HTR4: variants seen among roughly 807,000 people sequenced by gnomAD.
The protein encoded by HTR4 is 5-hydroxytryptamine (serotonin) receptor 4, G protein-coupled.
Under a neutral mutation model 36.8 loss-of-function variants are expected in HTR4, and 16 were observed. The observed-to-expected ratio is 0.43, with a 90% CI of 0.29 to 0.66. The LOEUF (loss-of-function observed/expected upper bound fraction) is 0.66. Among genes scored for constraint, HTR4 ranks in the 30% least tolerant of loss-of-function variants. HTR4 has a pLI of 0.13. For missense variants in HTR4, 438 were observed against 490.9 expected (o/e 0.89, Z 1.02); for synonymous variants, 189 against 185.1 (o/e 1.02, Z -0.17).
At chr5:148,497,529 G>A (rs899912836) in intron 6 of HTR4, among the ~76,000 whole-genome samples, 1 of 152,124 alleles carries the variant, frequency 6.6e-6, no homozygotes, top group Non-Finnish European at 1.5e-5. Context: ...GAGATGATAA[G>A]ACATCATTGT....
intron 2 of HTR4, among the ~76,000 whole-genome samples, chr5:148,566,474 T>C (rs999093773): frequency 2.6e-5 from 4 of 152,140 alleles, no homozygotes; most frequent in Admixed American, 6.6e-5. Flanking sequence ...CTTCAAGGGA[T>C]CTGTGGACGT....
intron 2 of HTR4, among the ~76,000 whole-genome samples, chr5:148,577,998 A>C (rs577286924): frequency 6.6e-6 from 1 of 152,222 alleles, no homozygotes; most frequent in African/African-American, 2.4e-5. Flanking sequence ...AATACGTAAA[A>C]TAAAAAGGCA....
chr5:148,584,511 A>G (rs903409939), intron 2 of HTR4, among the ~76,000 whole-genome samples: 3 of 152,198 alleles, frequency 2.0e-5, no homozygotes, highest in African/African-American at 7.2e-5. Flanking sequence ...ATTATAACTT[A>G]ACAGTACCCC....
At chr5:148,539,402 A>G (rs112712182) in intron 4 of HTR4, among the ~76,000 whole-genome samples, 6,435 of 152,274 alleles carry the variant, frequency 0.042, 185 homozygotes, top group Non-Finnish European at 0.066. Context: ...ACCTCTACAC[A>G]GCAAAAGAAA....
At chr5:148,523,095 G>A (rs1444656238) in intron 5 of HTR4, 98 bp downstream of exon 5, 20 of 1,180,376 alleles carry the variant, frequency 1.7e-5, no homozygotes, top group Admixed American at 2.4e-5. Flanking sequence ...ACCACTATCA[G>A]ATTCTTAGAA....
At position 148,462,988 on chromosome 5, in the gene HTR4, A is replaced by G. The variant is rs1374366885; in HGVS notation, c.1077-11716T>C. ...TCATGATTTAAAAAGCTCTCGGTAA[A>G]CTAAGACTAGAGGAGAACTTTATTA... On this transcript the variant is annotated intron_variant, in intron 5 of 5. Transcript: ENST00000521530. 5.9e-5 allele frequency among the ~76,000 whole-genome samples: 9 copies of G among 152,212 alleles called. No individual in the cohort carries two copies. The South Asian group carries it at 1.9e-3, about 32-fold the overall frequency.
At chr5:148,628,949 G>A (rs1266046036) in intron 2 of HTR4, 1 of 152,056 alleles carries the variant, frequency 6.6e-6, no homozygotes, top group Non-Finnish European at 1.5e-5. Flanking sequence ...AGGTACAGAG[G>A]TAATTCTGAC....
chr5:148,635,770 C>T (rs1191866936), intron 2 of HTR4, among the ~76,000 whole-genome samples: 1 of 152,096 alleles, frequency 6.6e-6, no homozygotes, highest in Non-Finnish European at 1.5e-5. Flanking sequence ...TTTCTCTGGG[C>T]AAATAATTTC....
chr5:148,607,738 C>A (rs1160239937), intron 2 of HTR4, among the ~76,000 whole-genome samples: 3 of 152,118 alleles, frequency 2.0e-5, no homozygotes, highest in African/African-American at 7.2e-5. Flanking sequence ...TGTGTAGTAG[C>A]TATCAGAATA....
At chr5:148,464,883 A>G (rs1281083944) in intron 5 of HTR4, among the ~76,000 whole-genome samples, 3 of 152,220 alleles carry the variant, frequency 2.0e-5, no homozygotes, top group African/African-American at 4.8e-5. Flanking sequence ...ACGGAATATT[A>G]TACTGTGCCA....
At chr5:148,517,737 C>T (rs535346951) in intron 5 of HTR4, among the ~76,000 whole-genome samples, 12 of 152,242 alleles carry the variant, frequency 7.9e-5, no homozygotes, top group African/African-American at 2.6e-4. Flanking sequence ...CATTGTCTCT[C>T]ACCTGTCAGA....
chr5:148,523,189 T>C lies in HTR4; in HGVS notation c.507+4A>G. ...AAACCAGTGAGGTCTGTGTGGATAC[T>C]CACCAAATCAATTATGCCAATGTTA... On this transcript the variant is annotated splice_donor_region_variant and intron_variant, in intron 5 of 6. Coordinates refer to ENST00000377888, the MANE Select transcript of HTR4 (RefSeq NM_000870.7). 6.2e-7 allele frequency: 1 copy of C among 1,612,746 alleles called. No individual in the cohort carries two copies. Among genetic ancestry groups the C allele is most frequent in the Non-Finnish European group, 8.5e-7 (1 of 1,179,200 alleles).
At chr5:148,611,776 G>C (rs887706289) in intron 2 of HTR4, among the ~76,000 whole-genome samples, 3 of 151,516 alleles carry the variant, frequency 2.0e-5, no homozygotes, top group Non-Finnish European at 4.4e-5. Context: ...CTGTATTCAG[G>C]AAACCCATCT....
chr5:148,470,812 C>G (rs1442875415), intron 5 of HTR4, among the ~76,000 whole-genome samples: 1 of 152,170 alleles, frequency 6.6e-6, no homozygotes, highest in African/African-American at 2.4e-5. Context: ...CCTCAGCCTC[C>G]CAAGTAGCTG....
chr5:148,627,594 C>T (rs1287899243), intron 2 of HTR4, among the ~76,000 whole-genome samples: 1 of 152,076 alleles, frequency 6.6e-6, no homozygotes, highest in African/African-American at 2.4e-5. Flanking sequence ...TTGTATAAAA[C>T]CTTTTGAAAT....
At chr5:148,567,609 G>A (rs917018779) in intron 2 of HTR4, among the ~76,000 whole-genome samples, 2 of 151,852 alleles carry the variant, frequency 1.3e-5, no homozygotes, top group Admixed American at 6.6e-5. Flanking sequence ...TCTGCTCCAG[G>A]CACAAACACC....
intron 6 of HTR4, 134 bp from the exon 7 acceptor site, chr5:148,483,427 A>G (rs929875029): frequency 1.3e-6 from 1 of 751,462 alleles, no homozygotes; most frequent in Admixed American, 2.4e-5. Context: ...CTACTTAGGA[A>G]TTTCCATTGA....
At chr5:148,502,483 C>A (rs1756981799) in intron 6 of HTR4, among the ~76,000 whole-genome samples, 1 of 152,130 alleles carries the variant, frequency 6.6e-6, no homozygotes, top group Admixed American at 6.5e-5. Context: ...ACATCCACAC[C>A]AAAACCCCAT....
intron 6 of HTR4, among the ~76,000 whole-genome samples, chr5:148,494,224 T>C (rs1421118298): frequency 6.6e-6 from 1 of 152,220 alleles, no homozygotes; most frequent in Non-Finnish European, 1.5e-5. Context: ...TAAGAACATG[T>C]GTTTATTTAA....
Sources: gnomAD v4.1 joint callset for allele counts (sites outside exome capture counted in the v4.1 genomes callset) on GRCh38, gnomAD v4.1.1 for gene constraint, MANE v1.5 for transcripts, NCBI Gene and HGNC (gene_info 2026-07-23, HGNC 2026-07-21) for gene names.